Variants in RXFP2 observed in about 807,000 individuals in gnomAD.
RXFP2 encodes relaxin family peptide receptor 2.
In RXFP2, 68 loss-of-function variants were observed where a neutral mutation model predicts 88.6. The ratio of observed to expected loss-of-function variants is 0.77; its 90% CI spans 0.63 to 0.94. RXFP2 has a LOEUF of 0.94. Ranked by LOEUF, RXFP2 falls within the 40% of genes least tolerant of loss-of-function variation. RXFP2 has a pLI of 0.00. For missense variants in RXFP2, 791 were observed against 893.9 expected (o/e 0.88, Z 1.47); for synonymous variants, 329 against 306.8 (o/e 1.07, Z -0.76).
At chr13:31,758,631 T>C (rs945393280) in intron 2 of RXFP2, among the ~76,000 whole-genome samples, 1 of 152,226 alleles carries the variant, frequency 6.6e-6, no homozygotes, top group Non-Finnish European at 1.5e-5. Flanking sequence ...AAATGTTATA[T>C]TTTATAAAAA....
Position 31,781,632 on chromosome 13 carries a change from C to CA in RXFP2, c.786-33dup, listed in dbSNP as rs200308749. On this transcript the variant is annotated intron_variant, in intron 9 of 17. Coordinates refer to ENST00000298386, the MANE Select transcript of RXFP2 (RefSeq NM_130806.5). ...AGTATCTCTAAGCATATGATTTGTA[C>CA]AAAAAATATTAAAAATATCTTTCCT... is the stretch of plus-strand genomic sequence containing the variant. 4.1e-3 allele frequency: 5,953 copies of CA among 1,436,970 alleles called. 205 individuals carry two copies. The African/African-American group carries it at 0.072, about 17-fold the overall frequency. The allele number at this position is 1,436,970 out of a possible 1,614,324, so 89.0% of individuals were successfully genotyped here.
At chr13:31,795,212 C>T (rs1477735667) in intron 16 of RXFP2, among the ~76,000 whole-genome samples, 2 of 151,248 alleles carry the variant, frequency 1.3e-5, no homozygotes, top group African/African-American at 4.9e-5. Context: ...TGCAGTAGCG[C>T]CATCTCGGCT....
intron 17 of RXFP2, among the ~76,000 whole-genome samples, chr13:31,798,864 C>G (rs1356276109): frequency 1.3e-5 from 2 of 152,146 alleles, no homozygotes; most frequent in Admixed American, 1.3e-4. Context: ...CTCCAAGGCT[C>G]AACCCAAATA....
chr13:31,761,987 C>T (rs1486837856), intron 3 of RXFP2, among the ~76,000 whole-genome samples, 186 bp downstream of exon 3: 1 of 152,208 alleles, frequency 6.6e-6, no homozygotes, highest in East Asian at 1.9e-4. Context: ...CGACCATCTC[C>T]ATTTATGCTA....
chr13:31,755,720 C>G (rs926015351), intron 1 of RXFP2, among the ~76,000 whole-genome samples: 2 of 152,116 alleles, frequency 1.3e-5, no homozygotes, highest in Non-Finnish European at 2.9e-5. Context: ...GTTTAACAAG[C>G]CAACCCCAGT....
chr13:31,744,411 G>T (rs1871327256), intron 1 of RXFP2, among the ~76,000 whole-genome samples: 1 of 152,180 alleles, frequency 6.6e-6, no homozygotes, highest in Non-Finnish European at 1.5e-5. Context: ...CCCCAGGTCA[G>T]TAGGAAACTA....
chr13:31,756,310 C>T (rs1192242455), intron 1 of RXFP2, among the ~76,000 whole-genome samples: 2 of 152,178 alleles, frequency 1.3e-5, no homozygotes, highest in African/African-American at 2.4e-5. Context: ...CAGTCGTTTC[C>T]TCATCTTTAT....
chr13:31,776,080 C>CTTT (rs71099992), intron 7 of RXFP2, among the ~76,000 whole-genome samples: 2,195 of 98,242 alleles, frequency 0.022, 33 homozygotes, highest in Middle Eastern at 0.052. Flanking sequence ...TTCTTTCTTT[C>CTTT]CTTCCTTCTT....
At chr13:31,743,523 A>G (rs1372783829) in intron 1 of RXFP2, among the ~76,000 whole-genome samples, 4 of 152,048 alleles carry the variant, frequency 2.6e-5, no homozygotes, top group African/African-American at 9.7e-5. Flanking sequence ...CTTTATTACA[A>G]AGTAAAAAGC....
At chr13:31,784,995 G>A (rs1177678423) in intron 11 of RXFP2, among the ~76,000 whole-genome samples, 1 of 152,146 alleles carries the variant, frequency 6.6e-6, no homozygotes, top group African/African-American at 2.4e-5. Context: ...ATAACCCGGA[G>A]TAAATGATGC....
chr13:31,755,263 A>G (rs1871886755), intron 1 of RXFP2, among the ~76,000 whole-genome samples: 2 of 152,206 alleles, frequency 1.3e-5, no homozygotes, highest in Admixed American at 1.3e-4. Context: ...CATGAAATCA[A>G]CTTAGAGGCA....
rs1566241488 is a variant in RXFP2 at position 31,802,557 on chromosome 13, T to G, written c.*152T>G. 3 of 847,882 alleles carry G rather than the reference T, an allele frequency of 3.5e-6. No individual in the cohort carries two copies. Among genetic ancestry groups the G allele is most frequent in the Non-Finnish European group, 5.9e-6 (3 of 508,242 alleles). 52.5% of individuals were successfully genotyped at this position (847,882 alleles called of 1,614,324 possible). ...AATGGCTCCTGTCACTGCATTCCAA[T>G]GGCAGCTGTACTATCTACCAACCAT... is the stretch of plus-strand genomic sequence containing the variant. On this transcript the variant is annotated 3_prime_UTR_variant, in exon 18 of 18. Transcript: ENST00000298386.
At chr13:31,739,771 C>A in intron 1 of RXFP2, 65 bp downstream of exon 1, 1 of 1,005,928 alleles carries the variant, frequency 9.9e-7, no homozygotes, top group Non-Finnish European at 1.6e-6. Context: ...CTATGTAGTT[C>A]TATGGCAGTT....
chr13:31,756,523 C>A (rs1052297592), intron 1 of RXFP2, among the ~76,000 whole-genome samples: 7 of 152,102 alleles, frequency 4.6e-5, no homozygotes, highest in Non-Finnish European at 1.0e-4. Context: ...TGGTTAGGAG[C>A]ACTTTGCCCA....
At chr13:31,761,929 C>A in intron 3 of RXFP2, 128 bp downstream of exon 3, 6 of 629,860 alleles carry the variant, frequency 9.5e-6, no homozygotes, top group Non-Finnish European at 1.2e-5. Context: ...ATTTCACTGG[C>A]TAACAGGTCT....
Position 31,786,406 on chromosome 13 carries a change from C to T in RXFP2, c.953C>T (p.Thr318Met), listed in dbSNP as rs181937374. Residue 318 changes from threonine (T) to methionine (M), a missense_variant, in exon 12 of 18, where the codon ACG becomes ATG. Thr to Met is a moderately conservative substitution (Grantham distance 81). Coordinates refer to ENST00000298386, the MANE Select transcript of RXFP2 (RefSeq NM_130806.5). ...GELDLSSNTITELSPHLFKDL... is the reference protein window; with the variant it reads ...GELDLSSNTIMELSPHLFKDL... ...AGGGATCTGTCTAGCAATACGATAA[C>T]GGAACTATCACCTCACCTTTTTAAA... 4.6e-5 allele frequency: 74 copies of T among 1,608,204 alleles called. 1 individual carries two copies. The Middle Eastern group carries it at 9.9e-4, about 22-fold the overall frequency.
chr13:31,761,690 G>A (rs774703024), intron 2 of RXFP2, 34 bp from the exon 3 acceptor site: 7 of 1,440,050 alleles, frequency 4.9e-6, no homozygotes, highest in Admixed American at 1.7e-5. Context: ...TTAGTTTCTA[G>A]AATAAGTGAC....
At chr13:31,795,308 C>T (rs949913978) in intron 16 of RXFP2, among the ~76,000 whole-genome samples, 22 of 152,032 alleles carry the variant, frequency 1.4e-4, no homozygotes, top group Admixed American at 1.4e-3. Context: ...CACCACCATG[C>T]CCCGCTAATT....
intron 5 of RXFP2, among the ~76,000 whole-genome samples, chr13:31,768,116 C>A (rs946935579): frequency 1.3e-5 from 2 of 152,244 alleles, no homozygotes; most frequent in African/African-American, 4.8e-5. Context: ...AGAGACTAAC[C>A]TTTATTGCCA....
Sources: allele counts gnomAD v4.1 joint callset (sites outside exome capture counted in the v4.1 genomes callset), GRCh38; gene constraint gnomAD v4.1.1; transcripts MANE v1.5; gene names NCBI Gene and HGNC (gene_info 2026-07-23, HGNC 2026-07-21).